MARCHF1: variants seen among roughly 807,000 people sequenced by gnomAD.
MARCHF1 encodes the protein membrane associated ring-CH-type finger 1.
A neutral mutation model predicts 54.2 loss-of-function variants in MARCHF1; 40 were observed. The observed-to-expected ratio is 0.74, with a 90% CI of 0.57 to 0.96. The LOEUF is 0.96. MARCHF1 is among the 40% of genes least tolerant of loss of function. The probability of loss-of-function intolerance (pLI) is 0.00; values close to 1 mark genes in which losing one functional copy is unlikely to be tolerated. For synonymous variants in MARCHF1, 236 were observed against 236.3 expected, an observed-to-expected ratio of 1.00 and a Z score of 0.01; for missense variants, 586 against 656.5, an observed-to-expected ratio of 0.89 and a Z score of 1.17.
chr4:163,574,411 T>A (rs1276760367), intron 8 of MARCHF1, among the ~76,000 whole-genome samples: 3 of 151,840 alleles, frequency 2.0e-5, no homozygotes, highest in Non-Finnish European at 2.9e-5. Flanking sequence ...CTGAATGGTA[T>A]TGCCTAGGTT....
chr4:163,719,839 G>T (rs1267588574), intron 4 of MARCHF1, among the ~76,000 whole-genome samples: 1 of 152,176 alleles, frequency 6.6e-6, no homozygotes, highest in Non-Finnish European at 1.5e-5. Flanking sequence ...CTTTTGAGAA[G>T]TGTCTGTTCA....
chr4:163,849,591 G>A (rs1473301987), intron 4 of MARCHF1, among the ~76,000 whole-genome samples: 1 of 152,116 alleles, frequency 6.6e-6, no homozygotes, highest in Non-Finnish European at 1.5e-5. Flanking sequence ...CATTCCTACA[G>A]ATCCATTAGT....
intron 1 of MARCHF1, among the ~76,000 whole-genome samples, chr4:164,379,450 G>A (rs918479842): frequency 2.0e-5 from 3 of 152,196 alleles, no homozygotes; most frequent in African/African-American, 7.2e-5. Flanking sequence ...AGCTATCTAT[G>A]AGAAGATAAT....
At chr4:163,986,249 C>CTTTTTTTTTTTTTTTTCTTT (rs1752865106) in intron 3 of MARCHF1, among the ~76,000 whole-genome samples, 1 of 28,830 alleles carries the variant, frequency 3.5e-5, no homozygotes, top group East Asian at 1.0e-3. Flanking sequence ...TTAACCTCTT[C>CTTTTTTTTTTTTTTTTCTTT]TTTTTTTTTT....
chr4:164,335,672 C>A (rs568441570), intron 1 of MARCHF1, among the ~76,000 whole-genome samples: 6 of 148,380 alleles, frequency 4.0e-5, no homozygotes, highest in Admixed American at 3.4e-4. Context: ...AACATCGAAG[C>A]AGGACCCTCC....
chr4:163,624,917 C>T (rs995170556), intron 5 of MARCHF1, among the ~76,000 whole-genome samples: 8 of 152,186 alleles, frequency 5.3e-5, no homozygotes, highest in African/African-American at 1.7e-4. Context: ...GAGATTTATC[C>T]TCTGAAGTTA....
chr4:163,978,000 A>G (rs1005418324), intron 3 of MARCHF1, among the ~76,000 whole-genome samples: 5 of 152,220 alleles, frequency 3.3e-5, no homozygotes, highest in Non-Finnish European at 5.9e-5. Flanking sequence ...AAAATATTCA[A>G]AAGCCCATGA....
chr4:163,882,241 G>T (rs1441471668), intron 3 of MARCHF1, among the ~76,000 whole-genome samples: 1 of 152,184 alleles, frequency 6.6e-6, no homozygotes, highest in Non-Finnish European at 1.5e-5. Context: ...GTGTCTCTGG[G>T]ATTTGGGGGT....
At chr4:164,311,246 C>T (rs889686088) in intron 1 of MARCHF1, among the ~76,000 whole-genome samples, 4 of 151,900 alleles carry the variant, frequency 2.6e-5, no homozygotes, top group Non-Finnish European at 4.4e-5. Context: ...CCGAGGTTTT[C>T]TTAAATAACT....
At position 163,751,805 on chromosome 4, in the gene MARCHF1, CGTGTGTGT is replaced by C. The variant is rs72029488; in HGVS notation, c.112-50950_112-50943del. ...TAAAATATCCCAACACACATGTGCACGTGTGTGTGTGTGTGTGTGTGTGATGAGGAAAT... is the reference window on the plus strand; with the variant it reads ...TAAAATATCCCAACACACATGTGCACGTGTGTGTGTGTGTGATGAGGAAAT... On this transcript the variant is annotated intron_variant, in intron 4 of 9. Transcript: ENST00000514618. Among the ~76,000 whole-genome samples the C allele has an allele frequency of 5.1e-3, 640 of 124,504 alleles. 4 individuals carry two copies. The highest frequency in any genetic ancestry group is 0.016 in the African/African-American group (604 of 38,798). 81.7% of individuals were successfully genotyped at this position (124,504 alleles called of 152,430 possible).
intron 8 of MARCHF1, among the ~76,000 whole-genome samples, chr4:163,570,149 A>G (rs1739793267): frequency 6.6e-6 from 1 of 152,120 alleles, no homozygotes; most frequent in Non-Finnish European, 1.5e-5. Flanking sequence ...ATGCAAATTA[A>G]TCAATGCATT....
intron 5 of MARCHF1, among the ~76,000 whole-genome samples, chr4:163,618,067 T>C (rs1741570478): frequency 6.6e-6 from 1 of 152,184 alleles, no homozygotes; most frequent in South Asian, 2.1e-4. Context: ...AGCATTTATG[T>C]CTACAGCCCT....
intron 1 of MARCHF1, among the ~76,000 whole-genome samples, chr4:164,140,400 G>C (rs1238097071): frequency 6.6e-6 from 1 of 151,556 alleles, no homozygotes; most frequent in Non-Finnish European, 1.5e-5. Context: ...CAACCAATAG[G>C]CCTCCCAGAT....
At chr4:163,705,144 T>C (rs982544365) in intron 4 of MARCHF1, among the ~76,000 whole-genome samples, 5 of 151,762 alleles carry the variant, frequency 3.3e-5, no homozygotes, top group Non-Finnish European at 7.4e-5. Flanking sequence ...TAAAAGTCTA[T>C]ATGCTCCTAA....
At chr4:164,164,525 C>T (rs758697128) in intron 1 of MARCHF1, among the ~76,000 whole-genome samples, 4 of 152,012 alleles carry the variant, frequency 2.6e-5, no homozygotes, top group East Asian at 1.9e-4. Context: ...AACTTCTAGC[C>T]GTATTCAGAA....
chr4:163,818,475 C>T (rs1056826295), intron 4 of MARCHF1, among the ~76,000 whole-genome samples: 1 of 152,068 alleles, frequency 6.6e-6, no homozygotes, highest in Non-Finnish European at 1.5e-5. Flanking sequence ...AGATATAAGG[C>T]ATGTATACCA....
chr4:164,259,119 A>G (rs17614318), intron 1 of MARCHF1, among the ~76,000 whole-genome samples: 74,744 of 151,976 alleles, frequency 0.49, 20,623 homozygotes, highest in Non-Finnish European at 0.64. Flanking sequence ...ATAAATCCAT[A>G]TTACACTGAA....
intron 8 of MARCHF1, among the ~76,000 whole-genome samples, chr4:163,581,674 A>G (rs1443039478): frequency 6.6e-6 from 1 of 152,200 alleles, no homozygotes; most frequent in African/African-American, 2.4e-5. Context: ...ACAGTTCTTC[A>G]TTTCTAAAAA....
intron 4 of MARCHF1, among the ~76,000 whole-genome samples, chr4:163,712,453 G>A (rs1475524989): frequency 6.6e-6 from 1 of 152,032 alleles, no homozygotes; most frequent in Non-Finnish European, 1.5e-5. Context: ...TAAATGTTGA[G>A]GAAAATGTAT....
Sources: allele counts gnomAD v4.1 joint callset (sites outside exome capture counted in the v4.1 genomes callset), GRCh38; gene constraint gnomAD v4.1.1; transcripts MANE v1.5; gene names NCBI Gene and HGNC (gene_info 2026-07-23, HGNC 2026-07-21).